Variants in ADCY2 observed in about 807,000 individuals in gnomAD.
The protein encoded by ADCY2 is adenylate cyclase type 2.
ADCY2 carries 31 observed loss-of-function variants against 125.2 expected under a neutral mutation model. That is an observed-to-expected ratio of 0.25 (90% CI 0.19 to 0.33). ADCY2 has a LOEUF of 0.33. Among genes scored for constraint, ADCY2 ranks in the 10% least tolerant of loss-of-function variants. The pLI is 1.00. For missense variants in ADCY2, 904 were observed against 1,418.2 expected (o/e 0.64, Z 5.82); for synonymous variants, 512 against 548.4 (o/e 0.93, Z 0.93).
In ADCY2 at chr5:7,425,959, C is replaced by T. The variant is rs183018761; in HGVS notation, c.408+11189C>T. Among the ~76,000 whole-genome samples, 420 of 152,256 alleles carry T rather than the reference C, an allele frequency of 2.8e-3. 1 individual carries two copies. The highest frequency in any genetic ancestry group is 0.01 in the Middle Eastern group (3 of 294). ...TAACTCATTGCTGTACCATCAGCTTCCCATCAGGCCCAGCCTTTGTGTCAT... is the reference window on the plus strand; with the variant it reads ...TAACTCATTGCTGTACCATCAGCTTTCCATCAGGCCCAGCCTTTGTGTCAT... On this transcript the variant is annotated intron_variant, in intron 2 of 24. Coordinates refer to ENST00000338316, the MANE Select transcript of ADCY2 (RefSeq NM_020546.3).
intron 3 of ADCY2, among the ~76,000 whole-genome samples, chr5:7,609,187 C>T (rs974470655): frequency 6.6e-6 from 1 of 152,148 alleles, no homozygotes; most frequent in African/African-American, 2.4e-5. Context: ...CATGGATTTA[C>T]TGAAGGGATG....
chr5:7,551,211 TC>T (rs1735328698), intron 3 of ADCY2, among the ~76,000 whole-genome samples: 1 of 152,092 alleles, frequency 6.6e-6, no homozygotes, highest in African/African-American at 2.4e-5. Flanking sequence ...CAAATTTCAC[TC>T]TCTTGGTGGC....
chr5:7,677,244 C>G (rs538711715), intron 4 of ADCY2, among the ~76,000 whole-genome samples: 1 of 152,214 alleles, frequency 6.6e-6, no homozygotes, highest in South Asian at 2.1e-4. Flanking sequence ...CGCCACTGCA[C>G]TCCAGCCTGA....
chr5:7,547,736 C>T (rs905613648), intron 3 of ADCY2, among the ~76,000 whole-genome samples: 1 of 152,194 alleles, frequency 6.6e-6, no homozygotes. Flanking sequence ...CAGGGGCTGA[C>T]CTGCTGTCTA....
chr5:7,758,769 G>C (rs950714019), intron 16 of ADCY2, among the ~76,000 whole-genome samples: 4 of 152,288 alleles, frequency 2.6e-5, no homozygotes, highest in Non-Finnish European at 5.9e-5. Flanking sequence ...AGGGCGGAAA[G>C]GAGGAGTCTG....
intron 2 of ADCY2, among the ~76,000 whole-genome samples, chr5:7,516,399 G>A (rs1379647044): frequency 6.6e-6 from 1 of 152,158 alleles, no homozygotes; most frequent in African/African-American, 2.4e-5. Flanking sequence ...GTCAGGACTA[G>A]TTGAACTGTG....
chr5:7,544,418 G>T (rs1214795508), intron 3 of ADCY2, among the ~76,000 whole-genome samples: 1 of 152,148 alleles, frequency 6.6e-6, no homozygotes. Context: ...AGCCTCCAAA[G>T]GCTGCTGCGT....
At chr5:7,750,151 C>A (rs1742758595) in intron 15 of ADCY2, among the ~76,000 whole-genome samples, 1 of 151,998 alleles carries the variant, frequency 6.6e-6, no homozygotes, top group South Asian at 2.1e-4. Context: ...CTTTTAAAAC[C>A]CAATTTGTAT....
chr5:7,523,081 T>C (rs183911975), intron 3 of ADCY2, among the ~76,000 whole-genome samples: 2 of 152,318 alleles, frequency 1.3e-5, no homozygotes, highest in African/African-American at 4.8e-5. Flanking sequence ...CTTGTACTTA[T>C]CCTTTCTGCT....
chr5:7,822,444 T>C lies in ADCY2; in HGVS notation c.3123+1755T>C, dbSNP rs114684395. ...GACAAAATGACACGCCAGTGTAATA[T>C]CTGTCCCCCTCAGAGGCACAAACAT... On this transcript the variant is annotated intron_variant, in intron 24 of 24. Transcript: ENST00000338316. 5.6e-3 allele frequency among the ~76,000 whole-genome samples: 853 copies of C among 152,366 alleles called. 7 individuals are homozygous for C. Among genetic ancestry groups the C allele is most frequent in the African/African-American group, 0.02 (820 of 41,584 alleles).
At chr5:7,536,269 G>A (rs1389295458) in intron 3 of ADCY2, among the ~76,000 whole-genome samples, 3 of 152,348 alleles carry the variant, frequency 2.0e-5, no homozygotes, top group Admixed American at 6.5e-5. Context: ...AGACATGGGG[G>A]TGCCCCCAGT....
chr5:7,409,114 C>T (rs1169002435), intron 1 of ADCY2, among the ~76,000 whole-genome samples: 1 of 152,134 alleles, frequency 6.6e-6, no homozygotes, highest in East Asian at 1.9e-4. Flanking sequence ...TTATACTTAG[C>T]AAACTAATGT....
intron 2 of ADCY2, among the ~76,000 whole-genome samples, chr5:7,449,442 T>C (rs1271720064): frequency 6.6e-6 from 1 of 152,174 alleles, no homozygotes. Context: ...CCTTACCTTT[T>C]CCTATGCAGA....
intron 3 of ADCY2, among the ~76,000 whole-genome samples, chr5:7,585,268 C>T (rs1439717008): frequency 6.6e-6 from 1 of 152,140 alleles, no homozygotes; most frequent in Non-Finnish European, 1.5e-5. Flanking sequence ...CATTCCCTGT[C>T]AAATTCTCCC....
intron 12 of ADCY2, among the ~76,000 whole-genome samples, chr5:7,720,017 G>A (rs1162127292): frequency 4.7e-5 from 7 of 150,286 alleles, no homozygotes; most frequent in Non-Finnish European, 3.0e-5. Context: ...CTTGACAAAA[G>A]AAAAAAAAAG....
At chr5:7,727,696 CTG>C (rs1741973832) in intron 14 of ADCY2, among the ~76,000 whole-genome samples, 1 of 152,022 alleles carries the variant, frequency 6.6e-6, no homozygotes, top group African/African-American at 2.4e-5. Flanking sequence ...TGTCCAAGTT[CTG>C]TGTGTTACAC....
At chr5:7,573,750 T>A (rs1333446333) in intron 3 of ADCY2, among the ~76,000 whole-genome samples, 1 of 151,740 alleles carries the variant, frequency 6.6e-6, no homozygotes, top group East Asian at 1.9e-4. Context: ...TGTTTGTTTT[T>A]GTTTTTGTTT....
At chr5:7,650,059 A>T (rs563760741) in intron 4 of ADCY2, among the ~76,000 whole-genome samples, 1 of 152,246 alleles carries the variant, frequency 6.6e-6, no homozygotes, top group East Asian at 1.9e-4. Flanking sequence ...CACTCACTGA[A>T]TTGTCCTTGT....
intron 4 of ADCY2, among the ~76,000 whole-genome samples, chr5:7,640,701 A>G (rs758822592): frequency 3.3e-5 from 5 of 152,130 alleles, no homozygotes; most frequent in African/African-American, 9.7e-5. Flanking sequence ...AATGAACAAT[A>G]TAAGAGGGAA....
Sources: gnomAD v4.1 joint callset for allele counts (sites outside exome capture counted in the v4.1 genomes callset) on GRCh38, gnomAD v4.1.1 for gene constraint, MANE v1.5 for transcripts, NCBI Gene and HGNC (gene_info 2026-07-23, HGNC 2026-07-21) for gene names.